Variants in DOCK3 observed in about 807,000 individuals in gnomAD.
DOCK3 encodes the protein dedicator of cytokinesis protein 3.
A neutral mutation model predicts 265.6 loss-of-function variants in DOCK3; 60 were observed. The ratio of observed to expected loss-of-function variants is 0.23; its 90% CI spans 0.18 to 0.28. The LOEUF is 0.28. Among genes scored for constraint, DOCK3 ranks in the 10% least tolerant of loss-of-function variants. DOCK3 has a pLI of 1.00. For synonymous variants in DOCK3, 881 were observed against 938.0 expected, an observed-to-expected ratio of 0.94 and a Z score of 1.11; for missense variants, 1,981 against 2,594.3, an observed-to-expected ratio of 0.76 and a Z score of 5.14.
intron 10 of DOCK3, among the ~76,000 whole-genome samples, chr3:51,157,277 G>A (rs1385227220): frequency 2.0e-5 from 3 of 150,930 alleles, no homozygotes; most frequent in Non-Finnish European, 4.4e-5. Context: ...TTTTTGAGAC[G>A]GAGTCTCTCT....
intron 6 of DOCK3, among the ~76,000 whole-genome samples, chr3:51,068,744 A>T (rs1447299754): frequency 9.2e-5 from 14 of 152,092 alleles, no homozygotes; most frequent in Admixed American, 9.2e-4. Flanking sequence ...CTATCTAATT[A>T]TGTGTGAGTC....
At chr3:50,897,022 A>G (rs2048927061) in intron 4 of DOCK3, among the ~76,000 whole-genome samples, 1 of 152,132 alleles carries the variant, frequency 6.6e-6, no homozygotes, top group Non-Finnish European at 1.5e-5. Flanking sequence ...AACTGTGAAG[A>G]AAGTTAGTGG....
At chr3:51,012,347 G>A (rs2078985838) in intron 5 of DOCK3, among the ~76,000 whole-genome samples, 2 of 152,146 alleles carry the variant, frequency 1.3e-5, no homozygotes, top group South Asian at 4.1e-4. Context: ...CCTCAGCAAT[G>A]GCAGGCACCC....
chr3:51,103,142 CT>C (rs1039796321), intron 9 of DOCK3, among the ~76,000 whole-genome samples: 9 of 152,238 alleles, frequency 5.9e-5, no homozygotes, highest in Admixed American at 5.9e-4. Flanking sequence ...AAAACGATAT[CT>C]TTTTCTTTCA....
intron 5 of DOCK3, among the ~76,000 whole-genome samples, chr3:50,962,812 G>A (rs1450758205): frequency 2.0e-5 from 3 of 152,204 alleles, no homozygotes; most frequent in African/African-American, 4.8e-5. Flanking sequence ...CATATGCAGC[G>A]TATGTAAATA....
chr3:50,798,432 A>C (rs2042904475), intron 2 of DOCK3, among the ~76,000 whole-genome samples: 1 of 152,240 alleles, frequency 6.6e-6, no homozygotes. Flanking sequence ...CCTACAAATG[A>C]AATGAGATCA....
chr3:51,360,461 T>G, intron 46 of DOCK3, 50 bp from the exon 47 acceptor site: 1 of 1,572,112 alleles, frequency 6.4e-7, no homozygotes, highest in Non-Finnish European at 8.6e-7. Context: ...CATCCCTTAG[T>G]TACTTATTTA....
chr3:51,048,446 A>G (rs747530408), intron 5 of DOCK3, among the ~76,000 whole-genome samples: 1 of 152,228 alleles, frequency 6.6e-6, no homozygotes, highest in Non-Finnish European at 1.5e-5. Context: ...GCATATATGT[A>G]ATGAGATATC....
chr3:50,812,474 A>G (rs184536646), intron 2 of DOCK3, among the ~76,000 whole-genome samples: 5 of 152,358 alleles, frequency 3.3e-5, no homozygotes, highest in Admixed American at 2.6e-4. Context: ...TAATACATCT[A>G]TATATAAAAA....
intron 5 of DOCK3, among the ~76,000 whole-genome samples, chr3:51,019,303 T>C (rs538209376): frequency 6.6e-6 from 1 of 152,036 alleles, no homozygotes; most frequent in East Asian, 1.9e-4. Flanking sequence ...CATGGAAATA[T>C]GGGATCAATT....
chr3:50,866,011 T>C (rs531270222), intron 3 of DOCK3, among the ~76,000 whole-genome samples: 22 of 151,924 alleles, frequency 1.4e-4, no homozygotes, highest in African/African-American at 5.1e-4. Flanking sequence ...ATTCGATTTT[T>C]TTCCTATAGA....
chr3:50,722,769 G>GTTTT lies in DOCK3; in HGVS notation c.37+47481_37+47484dup, dbSNP rs58505050. Among the ~76,000 whole-genome samples the GTTTT allele has an allele frequency of 1.2e-3, 156 of 135,090 alleles. 8 individuals carry two copies. The highest frequency in any genetic ancestry group is 1.7e-3 in the African/African-American group (63 of 36,064). 88.6% of individuals were successfully genotyped at this position (135,090 alleles called of 152,430 possible). ...GATGGGGAATTTCTTTCTTTTTCTT[G>GTTTT]TTTTTTTTTTTTTTTCTCTTGAGAC... On this transcript the variant is annotated intron_variant, in intron 1 of 52. Transcript: ENST00000266037.
At chr3:50,711,015 G>T (rs1169427638) in intron 1 of DOCK3, among the ~76,000 whole-genome samples, 2 of 152,116 alleles carry the variant, frequency 1.3e-5, no homozygotes, top group African/African-American at 4.8e-5. Flanking sequence ...GCATACACTG[G>T]TCAGGTGATA....
intron 3 of DOCK3, among the ~76,000 whole-genome samples, chr3:50,882,574 C>T (rs574904805): frequency 2.0e-4 from 31 of 152,296 alleles, no homozygotes; most frequent in African/African-American, 6.7e-4. Context: ...GAGATCCCAT[C>T]ACACACCAGT....
At chr3:51,085,040 C>T (rs2082371392) in intron 7 of DOCK3, among the ~76,000 whole-genome samples, 2 of 151,998 alleles carry the variant, frequency 1.3e-5, no homozygotes, top group Admixed American at 6.6e-5. Context: ...ATACTTATAT[C>T]AGAGAAAATG....
chr3:51,073,154 T>C (rs1490702553), intron 6 of DOCK3, among the ~76,000 whole-genome samples: 1 of 152,224 alleles, frequency 6.6e-6, no homozygotes, highest in Non-Finnish European at 1.5e-5. Flanking sequence ...TTTATTATTT[T>C]AAAAAGTTTA....
chr3:50,923,999 G>C (rs761933459), intron 4 of DOCK3, among the ~76,000 whole-genome samples: 1 of 151,872 alleles, frequency 6.6e-6, no homozygotes, highest in South Asian at 2.1e-4. Flanking sequence ...AACTGCTGCT[G>C]TTTTTGTTTG....
intron 5 of DOCK3, among the ~76,000 whole-genome samples, chr3:51,032,639 G>A (rs1293252097): frequency 1.3e-5 from 2 of 152,080 alleles, no homozygotes; most frequent in Non-Finnish European, 2.9e-5. Context: ...TGGGTACAGT[G>A]GCTAACATCT....
At chr3:51,136,635 TATTTC>T (rs2084818477) in intron 9 of DOCK3, among the ~76,000 whole-genome samples, 1 of 152,222 alleles carries the variant, frequency 6.6e-6, no homozygotes, top group African/African-American at 2.4e-5. Context: ...GGACAGGAAT[TATTTC>T]ATTTCTATAG....
Sources: gnomAD v4.1 joint callset for allele counts (sites outside exome capture counted in the v4.1 genomes callset) on GRCh38, gnomAD v4.1.1 for gene constraint, MANE v1.5 for transcripts, NCBI Gene and HGNC (gene_info 2026-07-23, HGNC 2026-07-21) for gene names.